Variants in SLC12A6 observed in about 807,000 individuals in gnomAD.
The protein encoded by SLC12A6 is solute carrier family 12 member 6.
Under a neutral mutation model 135.3 loss-of-function variants are expected in SLC12A6, and 66 were observed. That is an observed-to-expected ratio of 0.49 (90% CI 0.40 to 0.60). The LOEUF is 0.60. SLC12A6 is among the 20% of genes least tolerant of loss of function. SLC12A6 has a pLI of 0.00. For missense variants in SLC12A6, 1,058 were observed against 1,452.3 expected (o/e 0.73, Z 4.41); for synonymous variants, 513 against 508.8 (o/e 1.01, Z -0.11).
chr15:34,292,850 G>C (rs1457599154), intron 2 of SLC12A6, among the ~76,000 whole-genome samples: 1 of 152,170 alleles, frequency 6.6e-6, no homozygotes, highest in East Asian at 1.9e-4. Context: ...CTGGTCTGAT[G>C]GTTGTGAAGA....
chr15:34,248,469 T>C (rs557233037), intron 13 of SLC12A6, among the ~76,000 whole-genome samples: 9 of 152,120 alleles, frequency 5.9e-5, no homozygotes, highest in South Asian at 4.2e-4. Flanking sequence ...TCAATAATAA[T>C]TTTTATATCA....
At chr15:34,317,361 G>A (rs1257566802) in intron 2 of SLC12A6, among the ~76,000 whole-genome samples, 1 of 152,228 alleles carries the variant, frequency 6.6e-6, no homozygotes, top group African/African-American at 2.4e-5. Flanking sequence ...GAATTGCAAT[G>A]TGTTACATGC....
At chr15:34,279,043 G>C (rs965598139) in intron 2 of SLC12A6, among the ~76,000 whole-genome samples, 8 of 151,962 alleles carry the variant, frequency 5.3e-5, no homozygotes, top group African/African-American at 1.9e-4. Context: ...AAGGCTAGGA[G>C]CGGTGGCTCA....
chr15:34,319,443 G>A lies in SLC12A6; in HGVS notation c.271+16967C>T, dbSNP rs1049840898. On this transcript the variant is annotated intron_variant, in intron 2 of 25. Transcript: ENST00000354181. ...CAGGCGTGAGCCACCGTGCCCAGCC[G>A]GGAATGGTTCATTTTTATACTGTCC... Among the ~76,000 whole-genome samples the A allele has an allele frequency of 6.2e-4, 94 of 151,732 alleles. 1 individual carries two copies. The highest frequency in any genetic ancestry group is 6.1e-3 in the Admixed American group (93 of 15,206).
chr15:34,308,090 A>G (rs899645168), intron 2 of SLC12A6, among the ~76,000 whole-genome samples: 1 of 152,186 alleles, frequency 6.6e-6, no homozygotes, highest in Non-Finnish European at 1.5e-5. Flanking sequence ...AATGAAATAT[A>G]ATTTTTCTTA....
intron 2 of SLC12A6, among the ~76,000 whole-genome samples, chr15:34,323,940 C>CAAAAAAAAAAAAAAAAATA (rs144461318): frequency 7.6e-6 from 1 of 130,952 alleles, no homozygotes; most frequent in South Asian, 2.5e-4. Flanking sequence ...GATCTTGTCT[C>CAAAAAAAAAAAAAAAAATA]AAAAAAAAAA....
chr15:34,321,980 G>A (rs1354973225), intron 2 of SLC12A6, among the ~76,000 whole-genome samples: 1 of 152,212 alleles, frequency 6.6e-6, no homozygotes, highest in Non-Finnish European at 1.5e-5. Flanking sequence ...CAGATTAACT[G>A]GGACTGGGCC....
intron 3 of SLC12A6, among the ~76,000 whole-genome samples, chr15:34,270,674 G>A (rs1381440181): frequency 6.6e-6 from 1 of 151,872 alleles, no homozygotes; most frequent in Non-Finnish European, 1.5e-5. Flanking sequence ...GTGATGGTGG[G>A]TCCCTGTAAT....
At chr15:34,243,132 T>C (rs1891762792) in intron 16 of SLC12A6, among the ~76,000 whole-genome samples, 1 of 151,966 alleles carries the variant, frequency 6.6e-6, no homozygotes, top group African/African-American at 2.4e-5. Flanking sequence ...ACCTAGGTGA[T>C]CCGCCTGCCT....
At chr15:34,236,321 A>T (rs1891261317) in intron 23 of SLC12A6, 122 bp from the exon 24 acceptor site, 1 of 781,468 alleles carries the variant, frequency 1.3e-6, no homozygotes, top group Non-Finnish European at 2.2e-6. Context: ...GGAATTTGTC[A>T]TCCTTGAAAA....
At chr15:34,304,659 T>C (rs892589857) in intron 2 of SLC12A6, among the ~76,000 whole-genome samples, 1 of 152,226 alleles carries the variant, frequency 6.6e-6, no homozygotes. Context: ...CATCTTTTCA[T>C]GTACATATTG....
rs1416356838 is a variant in SLC12A6 at position 34,250,291 on chromosome 15, T to C, written c.1649+7A>G. Reference sequence around the variant, plus strand: ...ACATAATTGTTACAAAGAAATTCATTACTCACTTGTCTCTGAGAACAACCC... The same window carrying C: ...ACATAATTGTTACAAAGAAATTCATCACTCACTTGTCTCTGAGAACAACCC... On this transcript the variant is annotated splice_region_variant and intron_variant, in intron 13 of 25. Transcript: ENST00000354181. The C allele has an allele frequency of 6.9e-7, 1 of 1,458,002 alleles. No individual in the cohort carries two copies. The highest frequency in any genetic ancestry group is 9.6e-7 in the Non-Finnish European group (1 of 1,037,440). The allele number at this position is 1,458,002 out of a possible 1,614,324, so 90.3% of individuals were successfully genotyped here. A position where few individuals can be genotyped will look rare whatever the true frequency, so the allele number is the denominator to read the frequency against.
At chr15:34,235,081 A>T (rs1891163298) in intron 25 of SLC12A6, 100 bp downstream of exon 25, 2 of 1,102,418 alleles carry the variant, frequency 1.8e-6, no homozygotes, top group Admixed American at 3.4e-5. Context: ...TTAAAGAGGG[A>T]AAGTGGGGCA....
intron 13 of SLC12A6, among the ~76,000 whole-genome samples, chr15:34,248,692 G>C: frequency 6.6e-6 from 1 of 152,090 alleles, no homozygotes; most frequent in Non-Finnish European, 1.5e-5. Flanking sequence ...AGCTCAACGT[G>C]TAGGGGAGAG....
intron 2 of SLC12A6, among the ~76,000 whole-genome samples, chr15:34,317,652 G>A (rs1888747377): frequency 1.3e-5 from 2 of 152,088 alleles, no homozygotes; most frequent in South Asian, 4.1e-4. Context: ...GCAGTAAGCC[G>A]AGATCACCCC....
chr15:34,334,642 T>C lies in SLC12A6; in HGVS notation c.271+1768A>G, dbSNP rs573456906. Among the ~76,000 whole-genome samples, 14 of 152,332 alleles carry C rather than the reference T, an allele frequency of 9.2e-5. 1 individual carries two copies. The South Asian group carries it at 2.5e-3, about 27-fold the overall frequency. On this transcript the variant is annotated intron_variant, in intron 2 of 25. Transcript: ENST00000354181. The stretch of plus-strand genomic sequence containing the variant: ...GAGAATAGGGCAAAGTCCTCTCTAA[T>C]GGCCAGACTATTAATTTCCCTTTCA...
At chr15:34,287,766 T>C (rs957059395) in intron 2 of SLC12A6, among the ~76,000 whole-genome samples, 3 of 152,252 alleles carry the variant, frequency 2.0e-5, no homozygotes, top group African/African-American at 7.2e-5. Flanking sequence ...GTTGGCTGCA[T>C]AAATGTCTTC....
At chr15:34,263,502 G>A (rs1893296850) in intron 3 of SLC12A6, among the ~76,000 whole-genome samples, 1 of 151,584 alleles carries the variant, frequency 6.6e-6, no homozygotes, top group Non-Finnish European at 1.5e-5. Context: ...TTTTTTTAAT[G>A]TTAAAAGAGG....
At chr15:34,248,510 CCTA>C (rs1892153526) in intron 13 of SLC12A6, among the ~76,000 whole-genome samples, 2 of 151,908 alleles carry the variant, frequency 1.3e-5, no homozygotes, top group African/African-American at 4.8e-5. Flanking sequence ...CCATGAATTT[CCTA>C]CTACAATGGT....
Sources: gnomAD v4.1 joint callset for allele counts (sites outside exome capture counted in the v4.1 genomes callset) on GRCh38, gnomAD v4.1.1 for gene constraint, MANE v1.5 for transcripts, NCBI Gene and HGNC (gene_info 2026-07-23, HGNC 2026-07-21) for gene names.